Variants in MYO1B observed in about 807,000 individuals in gnomAD.
The protein encoded by MYO1B is myosin IB.
In MYO1B, 72 loss-of-function variants were observed where a neutral mutation model predicts 159.7. The observed-to-expected ratio is 0.45, with a 90% confidence interval of 0.37 to 0.55. The LOEUF (loss-of-function observed/expected upper bound fraction) is 0.55. Ranked by LOEUF, MYO1B falls within the 20% of genes least tolerant of loss-of-function variation. The pLI, the probability that MYO1B is intolerant of heterozygous loss-of-function variation, is 0.00. For missense variants in MYO1B, 1,062 were observed against 1,364.8 expected (o/e 0.78, Z 3.50); for synonymous variants, 468 against 473.8 (o/e 0.99, Z 0.16).
At chr2:191,378,566 A>C (rs926894695) in intron 13 of MYO1B, among the ~76,000 whole-genome samples, 17 of 152,050 alleles carry the variant, frequency 1.1e-4, no homozygotes, top group African/African-American at 4.1e-4. Context: ...GGCTATTTTC[A>C]CTTTTTTTGT....
At chr2:191,418,482 ATTTTTTT>A (rs1159016855) in intron 30 of MYO1B, among the ~76,000 whole-genome samples, 16 of 81,066 alleles carry the variant, frequency 2.0e-4, no homozygotes, top group Middle Eastern at 0.017. Flanking sequence ...TCTTTAGTGG[ATTTTTTT>A]TTTTTTTTTT....
In MYO1B at chr2:191,405,595, G is replaced by A. The variant is rs550775983; in HGVS notation, c.2557-2520G>A. On this transcript the variant is annotated intron_variant, in intron 24 of 30. Coordinates refer to ENST00000392318, the MANE Select transcript of MYO1B (RefSeq NM_001130158.3). Reference sequence around the variant, plus strand: ...TTGATCCATGAGCTGCAGAATGGATGTTGTGTTAGCAGGCATGAAAACATT... The same window carrying A: ...TTGATCCATGAGCTGCAGAATGGATATTGTGTTAGCAGGCATGAAAACATT... Among the ~76,000 whole-genome samples, 83 of 152,354 alleles carry A rather than the reference G, an allele frequency of 5.4e-4. 1 individual carries two copies. Among genetic ancestry groups the A allele is most frequent in the African/African-American group, 1.9e-3 (81 of 41,580 alleles).
At chr2:191,390,153 T>G in intron 17 of MYO1B, 139 bp from the exon 18 acceptor site, 1 of 750,970 alleles carries the variant, frequency 1.3e-6, no homozygotes, top group Admixed American at 3.2e-5. Context: ...TTGAAATAAT[T>G]TCAAAAGTAA....
At chr2:191,257,119 T>G (rs1243028538) in intron 1 of MYO1B, among the ~76,000 whole-genome samples, 5 of 152,232 alleles carry the variant, frequency 3.3e-5, no homozygotes, top group Non-Finnish European at 5.9e-5. Flanking sequence ...TGCACCCATT[T>G]ATTCAATTCA....
intron 3 of MYO1B, among the ~76,000 whole-genome samples, chr2:191,303,807 T>G (rs1055032499): frequency 6.6e-6 from 1 of 152,164 alleles, no homozygotes; most frequent in African/African-American, 2.4e-5. Flanking sequence ...CTGCAAGGCT[T>G]TGCATCTGTC....
chr2:191,338,876 G>T (rs1167022187), intron 4 of MYO1B, among the ~76,000 whole-genome samples: 1 of 152,168 alleles, frequency 6.6e-6, no homozygotes, highest in Non-Finnish European at 1.5e-5. Flanking sequence ...GTGTGTATTT[G>T]TGTGTGTGTG....
At chr2:191,400,596 CTTTCCAACAT>C in intron 22 of MYO1B, 128 bp downstream of exon 22, 1 of 1,358,812 alleles carries the variant, frequency 7.4e-7, no homozygotes, top group Non-Finnish European at 1.0e-6. Context: ...GCTTCTTGCT[CTTTCCAACAT>C]TTTGTTGTGG....
chr2:191,386,913 G>T (rs1574574286), intron 16 of MYO1B, among the ~76,000 whole-genome samples: 1 of 152,216 alleles, frequency 6.6e-6, no homozygotes, highest in East Asian at 1.9e-4. Context: ...AAAAATAAAA[G>T]TAAAACCCCA....
At chr2:191,252,308 T>C (rs1421549083) in intron 1 of MYO1B, among the ~76,000 whole-genome samples, 2 of 152,220 alleles carry the variant, frequency 1.3e-5, no homozygotes, top group African/African-American at 2.4e-5. Flanking sequence ...AACTGCCACG[T>C]TGGTCAGGTT....
chr2:191,365,287 T>C (rs1223257181), intron 11 of MYO1B, among the ~76,000 whole-genome samples: 1 of 152,224 alleles, frequency 6.6e-6, no homozygotes, highest in African/African-American at 2.4e-5. Flanking sequence ...TGTTGTCTCA[T>C]CCTCATAACT....
intron 21 of MYO1B, among the ~76,000 whole-genome samples, chr2:191,399,846 G>C (rs567776104): frequency 6.6e-6 from 1 of 152,336 alleles, no homozygotes; most frequent in East Asian, 1.9e-4. Context: ...AGAGACCTTA[G>C]AGGAAGGACC....
intron 1 of MYO1B, among the ~76,000 whole-genome samples, chr2:191,261,779 A>T (rs891305868): frequency 6.6e-6 from 1 of 152,170 alleles, no homozygotes; most frequent in African/African-American, 2.4e-5. Flanking sequence ...TTGGAGGATG[A>T]TGCCTTGGGA....
chr2:191,408,248 C>A, intron 25 of MYO1B, 59 bp downstream of exon 25: 2 of 1,204,232 alleles, frequency 1.7e-6, no homozygotes, highest in South Asian at 1.3e-5. Flanking sequence ...CACCTAATAT[C>A]ACCAACTCCA....
chr2:191,319,791 A>G (rs762228667), intron 3 of MYO1B, among the ~76,000 whole-genome samples: 2 of 152,150 alleles, frequency 1.3e-5, no homozygotes, highest in Non-Finnish European at 2.9e-5. Flanking sequence ...AACTGATACA[A>G]TTTTGCTTTG....
chr2:191,275,438 G>C (rs1687695547), intron 1 of MYO1B, among the ~76,000 whole-genome samples: 1 of 152,002 alleles, frequency 6.6e-6, no homozygotes, highest in Admixed American at 6.6e-5. Flanking sequence ...TAAATTGCTA[G>C]TAATTAATAA....
rs76897969 is a variant in MYO1B, at chr2:191,378,806, A to G, written c.1186-2656A>G. 8.6e-3 allele frequency among the ~76,000 whole-genome samples: 1,307 copies of G among 152,310 alleles called. 25 individuals are homozygous for G. Among genetic ancestry groups the G allele is most frequent in the African/African-American group, 0.03 (1,249 of 41,564 alleles). ...CGGGATTGGGGCAGTGTGGGAACCT[A>G]CAGTGGGAGAGATTCAACTGAAGAA... is the stretch of plus-strand genomic sequence containing the variant. On this transcript the variant is annotated intron_variant, in intron 13 of 30. Coordinates refer to ENST00000392318, the MANE Select transcript of MYO1B (RefSeq NM_001130158.3).
chr2:191,381,341 C>T (rs1448017710), intron 13 of MYO1B, 121 bp from the exon 14 acceptor site: 1 of 784,282 alleles, frequency 1.3e-6, no homozygotes, highest in Non-Finnish European at 2.2e-6. Flanking sequence ...GTGTGCTGGG[C>T]CACAGTTAAA....
chr2:191,419,464 C>T (rs192428966), intron 30 of MYO1B, among the ~76,000 whole-genome samples: 296 of 152,086 alleles, frequency 1.9e-3, no homozygotes, highest in African/African-American at 7.0e-3. Flanking sequence ...GTGATCTGCC[C>T]GCCTCAGCCT....
chr2:191,290,142 C>T lies in MYO1B; in HGVS notation c.136-5969C>T, dbSNP rs543271010. Among the ~76,000 whole-genome samples, 54 of 152,270 alleles carry T rather than the reference C, an allele frequency of 3.5e-4. 1 individual carries two copies. The highest frequency in any genetic ancestry group is 1.3e-3 in the African/African-American group (53 of 41,566). On this transcript the variant is annotated intron_variant, in intron 2 of 30. Transcript: ENST00000392318. ...AGTGCCATAATAAAGCAGTCAGGGC[C>T]GGCTAAGCCATGGGGCTCTTGGGTC...
Sources: allele counts gnomAD v4.1 joint callset (sites outside exome capture counted in the v4.1 genomes callset), GRCh38; gene constraint gnomAD v4.1.1; transcripts MANE v1.5; gene names NCBI Gene and HGNC (gene_info 2026-07-23, HGNC 2026-07-21).